Variants in PITRM1 observed in about 807,000 individuals in gnomAD.
PITRM1 encodes pitrilysin metallopeptidase 1.
In PITRM1, 100 loss-of-function variants were observed where a neutral mutation model predicts 129.9. The ratio of observed to expected loss-of-function variants is 0.77; its 90% CI spans 0.65 to 0.91. The LOEUF is 0.91. PITRM1 is among the 40% of genes least tolerant of loss of function. The pLI is 0.00. For missense variants in PITRM1, 1,471 were observed against 1,318.3 expected, an observed-to-expected ratio of 1.12 and a Z score of -1.79; for synonymous variants, 591 against 508.8, an observed-to-expected ratio of 1.16 and a Z score of -2.17.
chr10:3,147,436 A>G (rs1475894713), intron 19 of PITRM1, 136 bp downstream of exon 19: 1 of 1,135,758 alleles, frequency 8.8e-7, no homozygotes, highest in African/African-American at 1.5e-5. Context: ...AAACCAACCA[A>G]CCAATTCTTC....
At chr10:3,164,618 TTTGA>T (rs1215774113) in intron 6 of PITRM1, among the ~76,000 whole-genome samples, 1 of 152,134 alleles carries the variant, frequency 6.6e-6, no homozygotes, top group African/African-American at 2.4e-5. Flanking sequence ...CCAAACAGCT[TTTGA>T]TTATGTGGGC....
intron 21 of PITRM1, chr10:3,145,226 T>C: frequency 4.5e-6 from 1 of 221,522 alleles, no homozygotes; most frequent in South Asian, 9.3e-5. Context: ...CCGACATCAC[T>C]GTTCCATGTC....
Position 3,137,818 on chromosome 10 carries a change from G to C in PITRM1, c.*213C>G. ...CCAGTACAAAGTGAAAATTCTACAT[G>C]GTGCATCTTTGGCGCTTCATGCATG... On this transcript the variant is annotated 3_prime_UTR_variant, in exon 27 of 27. Coordinates refer to ENST00000224949, the MANE Select transcript of PITRM1 (RefSeq NM_014889.4). 2 of 556,888 alleles carry C rather than the reference G, an allele frequency of 3.6e-6. No homozygotes were observed. The highest frequency in any genetic ancestry group is 2.1e-5 in the South Asian group (1 of 48,130). The allele number at this position is 556,888 out of a possible 1,614,324, so 34.5% of individuals were successfully genotyped here. A position where few individuals can be genotyped will look rare whatever the true frequency, so the allele number is the denominator to read the frequency against.
Position 3,143,397 on chromosome 10 carries a change from A to C in PITRM1, c.2637T>G (p.Asp879Glu). The C allele has an allele frequency of 6.2e-7, 1 of 1,606,430 alleles. No homozygotes were observed. Among genetic ancestry groups the C allele is most frequent in the Non-Finnish European group, 8.5e-7 (1 of 1,173,002 alleles). ...CIRTVPYTDP[D>E]HASLKILARL... ...GACCTACACCCTCCTACCTGGCATG[A>C]TCTGGGTCCGTGTAGGGGACAGTTC... Residue 879 changes from aspartate to glutamate, a missense_variant, in exon 23 of 27, where the codon GAT (aspartate) becomes GAG (glutamate). Coordinates refer to ENST00000224949, the MANE Select transcript of PITRM1 (RefSeq NM_014889.4).
In PITRM1 at chr10:3,145,603, G is replaced by A. The variant is rs373958442; in HGVS notation, c.2450C>T (p.Thr817Met). ...KKERRPVRPHTVEKPVPSSSG... is the reference protein window; with the variant it reads ...KKERRPVRPHMVEKPVPSSSG... ...AGCACCACCAGTGCATACCTCGACC[G>A]TGTGTGGGCGCACAGGCCTCCGTTC... is the stretch of plus-strand genomic sequence containing the variant. Residue 817 changes from threonine to methionine, a missense_variant, in exon 21 of 27, where the codon ACG (threonine) becomes ATG (methionine). Coordinates refer to ENST00000224949, the MANE Select transcript of PITRM1 (RefSeq NM_014889.4). 2.4e-5 allele frequency: 37 copies of A among 1,549,658 alleles called. No homozygotes were observed. Among genetic ancestry groups the A allele is most frequent in the Middle Eastern group, 2.3e-4 (1 of 4,418 alleles).
chr10:3,158,826 T>A lies in PITRM1; in HGVS notation c.1136+88A>T, dbSNP rs373721809. On this transcript the variant is annotated intron_variant, in intron 10 of 26. Transcript: ENST00000224949. ...CAAAAATGTTCCAGACACTGTCAAG[T>A]GTGGGGCCGGGACAGGGTGCGGAGG... 877 of 1,228,854 alleles carry A rather than the reference T, an allele frequency of 7.1e-4. 9 individuals are homozygous for A. In the South Asian group the frequency reaches 0.011, roughly 16 times the overall value. 76.1% of individuals were successfully genotyped at this position (1,228,854 alleles called of 1,614,324 possible).
rs142713695 is a variant in PITRM1 at position 3,138,025 on chromosome 10, G to A, written c.*6C>T. 148 of 1,574,984 alleles carry A rather than the reference G, an allele frequency of 9.4e-5. 1 individual carries two copies. Among genetic ancestry groups the A allele is most frequent in the South Asian group, 1.3e-4 (11 of 87,702 alleles). Reference sequence around the variant, plus strand: ...GGGCTCCTGTGCAGTCGAGCGCCACGGCTGCTCATTGGATGATCCAGGATG... The same window carrying A: ...GGGCTCCTGTGCAGTCGAGCGCCACAGCTGCTCATTGGATGATCCAGGATG... On this transcript the variant is annotated 3_prime_UTR_variant, in exon 27 of 27. Coordinates refer to ENST00000224949, the MANE Select transcript of PITRM1 (RefSeq NM_014889.4).
At chr10:3,154,095 A>T (rs1341400881) in intron 14 of PITRM1, among the ~76,000 whole-genome samples, 2 of 152,154 alleles carry the variant, frequency 1.3e-5, no homozygotes, top group Non-Finnish European at 2.9e-5. Flanking sequence ...CTGTCCCTGC[A>T]GCTTTGCCAC....
At chr10:3,140,476 G>A (rs1840072793) in intron 24 of PITRM1, among the ~76,000 whole-genome samples, 1 of 152,198 alleles carries the variant, frequency 6.6e-6, no homozygotes, top group South Asian at 2.1e-4. Context: ...TTTACTGAAG[G>A]CAGAATGCTT....
intron 1 of PITRM1, among the ~76,000 whole-genome samples, 193 bp downstream of exon 1, chr10:3,172,524 G>T (rs371938621): frequency 2.7e-4 from 41 of 152,266 alleles, no homozygotes; most frequent in African/African-American, 7.0e-4. Flanking sequence ...GAGTAGGAAG[G>T]AGCTCCGAGG....
intron 2 of PITRM1, among the ~76,000 whole-genome samples, chr10:3,167,269 T>C (rs538234301): frequency 8.0e-6 from 1 of 125,370 alleles, no homozygotes; most frequent in African/African-American, 3.0e-5. Flanking sequence ...TGTGTGTGTG[T>C]ATAGAAAGAG....
At chr10:3,165,170 G>T in intron 6 of PITRM1, 68 bp downstream of exon 6, 2 of 1,054,030 alleles carry the variant, frequency 1.9e-6, no homozygotes, top group Admixed American at 2.8e-5. Context: ...TTCCAGATGT[G>T]TCTATATCAT....
At chr10:3,157,921 C>A (rs1394213257) in intron 11 of PITRM1, 119 bp downstream of exon 11, 16 of 704,626 alleles carry the variant, frequency 2.3e-5, no homozygotes, top group Non-Finnish European at 4.1e-5. Context: ...TAAATATGAA[C>A]AAAAGCATGT....
chr10:3,163,835 A>G lies in PITRM1; in HGVS notation c.681T>C (p.Pro227=), dbSNP rs4609511. 1,129,906 of 1,610,610 alleles carry G rather than the reference A, an allele frequency of 0.7. 399,286 individuals are homozygous for G. The highest frequency in any genetic ancestry group is 0.73 in the Non-Finnish European group (855,133 of 1,177,856). ...CGGAGACCACTGAGTACGTGTGGTC[A>G]GGAAGAAGTCTGTTCTGAAGGTGCT... ...FSQHLQNRLL[P]DHTYSVVSGG... is the part of the protein sequence containing the mutation. The change falls in exon 7 of 27, where the codon CCT becomes CCC. Residue 227 remains proline (P), a synonymous_variant. Transcript: ENST00000224949.
chr10:3,149,480 C>T (rs557690081), intron 16 of PITRM1, 141 bp downstream of exon 16: 44 of 776,770 alleles, frequency 5.7e-5, no homozygotes, highest in Admixed American at 2.0e-4. Context: ...AATTCTAAAC[C>T]AATATATTGT....
chr10:3,161,008 G>A (rs1321487772), intron 7 of PITRM1, among the ~76,000 whole-genome samples: 12 of 152,094 alleles, frequency 7.9e-5, no homozygotes, highest in South Asian at 4.1e-4. Flanking sequence ...TGATCCACCC[G>A]TCTCAGCCTC....
Position 3,149,726 on chromosome 10 carries a change from GCGC to G in PITRM1, c.1763_1765del (p.Cys588_Ala589delinsSer). The G allele has an allele frequency of 1.9e-6, 3 of 1,613,152 alleles. No individual in the cohort carries two copies. The highest frequency in any genetic ancestry group is 2.5e-6 in the Non-Finnish European group (3 of 1,179,670). ...ATACACCATGCCATTGGTGGGCTGGGCGCAGTACTGAACAGGGATATCTCCAGC... is the reference window on the plus strand; with the variant it reads ...ATACACCATGCCATTGGTGGGCTGGGAGTACTGAACAGGGATATCTCCAGC... On this transcript the variant is annotated inframe_deletion, in exon 16 of 27. Coordinates refer to ENST00000224949, the MANE Select transcript of PITRM1 (RefSeq NM_014889.4).
rs144615329 is a variant in PITRM1, at chr10:3,143,738, T to C, written c.2533-237A>G. ...ACAATTTCTCACTGTAAAACTGACA[T>C]GAAGTCCTCCAATCTTGACGTGATG... On this transcript the variant is annotated intron_variant, in intron 22 of 26. Coordinates refer to ENST00000224949, the MANE Select transcript of PITRM1 (RefSeq NM_014889.4). 7.2e-6 allele frequency: 5 copies of C among 698,672 alleles called. No homozygotes were observed. The East Asian group carries it at 8.4e-5, about 12-fold the overall frequency. 43.3% of individuals were successfully genotyped at this position (698,672 alleles called of 1,614,324 possible).
intron 14 of PITRM1, among the ~76,000 whole-genome samples, chr10:3,155,001 G>T (rs952866973): frequency 6.6e-6 from 1 of 152,204 alleles, no homozygotes; most frequent in African/African-American, 2.4e-5. Context: ...TGAGGCTGCA[G>T]CTACACTGCT....
Sources: allele counts gnomAD v4.1 joint callset (sites outside exome capture counted in the v4.1 genomes callset), GRCh38; gene constraint gnomAD v4.1.1; transcripts MANE v1.5; gene names NCBI Gene and HGNC (gene_info 2026-07-23, HGNC 2026-07-21).